The following LETM2 variants were observed in gnomAD, a reference collection of about 807,000 sequenced individuals.
The protein encoded by LETM2 is LETM1 domain-containing protein LETM2, mitochondrial.
In LETM2, 58 loss-of-function variants were observed where a neutral mutation model predicts 59.6. The ratio of observed to expected loss-of-function variants is 0.97; its 90% CI spans 0.79 to 1.21. The LOEUF (loss-of-function observed/expected upper bound fraction) is 1.21. Among genes scored for constraint, LETM2 ranks in the 50% most tolerant of loss-of-function variants. LETM2 has a pLI of 0.00. For synonymous variants in LETM2, 199 were observed against 214.1 expected, an observed-to-expected ratio of 0.93 and a Z score of 0.62; for missense variants, 572 against 575.7, an observed-to-expected ratio of 0.99 and a Z score of 0.07.
At chr8:38,405,777 C>A (rs1490944239) in intron 8 of LETM2, among the ~76,000 whole-genome samples, 2 of 152,162 alleles carry the variant, frequency 1.3e-5, no homozygotes, top group East Asian at 3.8e-4. Context: ...GCAAGGAAAT[C>A]TTGGAGGAGC....
At chr8:38,384,859 TGAATAA>T (rs1041500160), upstream of LETM2, among the ~76,000 whole-genome samples, 1 of 152,258 alleles carries the variant, frequency 6.6e-6, no homozygotes, top group Non-Finnish European at 1.5e-5. Flanking sequence ...ATACAATGCA[TGAATAA>T]GAATATTTCC....
At chr8:38,404,106 A>C (rs563431297) in intron 7 of LETM2, among the ~76,000 whole-genome samples, 1 of 152,282 alleles carries the variant, frequency 6.6e-6, no homozygotes, top group African/African-American at 2.4e-5. Flanking sequence ...CACTTTGTCC[A>C]ACAGAAGATA....
intron 8 of LETM2, 198 bp from the exon 9 acceptor site, chr8:38,406,741 TACTCAAA>T: frequency 2.2e-6 from 1 of 460,662 alleles, no homozygotes; most frequent in Non-Finnish European, 3.9e-6. Flanking sequence ...GTATATAAAG[TACTCAAA>T]ACTCAAAGAG....
chr8:38,399,634 G>A (rs946960924), intron 4 of LETM2, among the ~76,000 whole-genome samples: 8 of 151,936 alleles, frequency 5.3e-5, no homozygotes, highest in Non-Finnish European at 1.2e-4. Context: ...AAAAATCAGC[G>A]GGGTGTGGTG....
intron 7 of LETM2, among the ~76,000 whole-genome samples, chr8:38,404,148 A>T (rs912690893): frequency 6.6e-6 from 1 of 152,156 alleles, no homozygotes; most frequent in Non-Finnish European, 1.5e-5. Flanking sequence ...TTGGGTTGAG[A>T]GTTTAATTGA....
In LETM2 at chr8:38,401,036, A is replaced by G. The variant is rs774468254; in HGVS notation, c.967A>G (p.Ile323Val). 3 of 1,613,530 alleles carry G rather than the reference A, an allele frequency of 1.9e-6. No homozygotes were observed. The highest frequency in any genetic ancestry group is 1.1e-5 in the South Asian group (1 of 91,070). ...RFQLLMKLKS[I>V]KADDEIIAKE... ...TCAGCTCCTGATGAAACTGAAGTCT[A>G]TAAAAGCAGATGATGAAGTAAGAGC... Residue 323 changes from isoleucine to valine, a missense_variant, in exon 6 of 11, where the codon ATA becomes GTA. Ile to Val is a conservative substitution (Grantham distance 29). Coordinates refer to ENST00000379957, the MANE Select transcript of LETM2 (RefSeq NM_001286819.2).
At chr8:38,402,070 T>C (rs1813275178) in intron 6 of LETM2, among the ~76,000 whole-genome samples, 1 of 152,110 alleles carries the variant, frequency 6.6e-6, no homozygotes, top group Admixed American at 6.5e-5. Flanking sequence ...AACTGTGTTA[T>C]TTACTGAGGG....
chr8:38,393,017 G>T, intron 3 of LETM2, 22 bp downstream of exon 3: 1 of 1,537,022 alleles, frequency 6.5e-7, no homozygotes, highest in Non-Finnish European at 8.8e-7. Context: ...TCATATTTGA[G>T]AAAGAAAATG....
intron 7 of LETM2, 54 bp downstream of exon 7, chr8:38,402,698 A>C: frequency 1.9e-6 from 3 of 1,567,490 alleles, no homozygotes; most frequent in African/African-American, 1.4e-5. Flanking sequence ...CTCCTACAAT[A>C]TGCAGACCTC....
At chr8:38,396,222 G>A (rs1273288514) in intron 4 of LETM2, among the ~76,000 whole-genome samples, 1 of 151,230 alleles carries the variant, frequency 6.6e-6, no homozygotes, top group Admixed American at 6.6e-5. Flanking sequence ...GGAGTGCAAT[G>A]GTGCGATCTC....
intron 8 of LETM2, among the ~76,000 whole-genome samples, chr8:38,405,283 G>A (rs888691804): frequency 6.6e-6 from 1 of 151,990 alleles, no homozygotes. Context: ...GGTGTTGTAG[G>A]GAAGAGCATA....
intron 4 of LETM2, chr8:38,396,947 AC>A: frequency 3.0e-6 from 1 of 329,274 alleles, no homozygotes; most frequent in Non-Finnish European, 6.0e-6. Context: ...ACAGAAATCC[AC>A]TGTTACCGCG....
chr8:38,400,401 G>C lies in LETM2; in HGVS notation c.775G>C (p.Val259Leu). 2 of 1,573,352 alleles carry C rather than the reference G, an allele frequency of 1.3e-6. No individual in the cohort carries two copies. Among genetic ancestry groups the C allele is most frequent in the South Asian group, 2.4e-5 (2 of 82,582 alleles). Residue 259 changes from valine (V) to leucine (L), a missense_variant, in exon 5 of 11, where the codon GTG becomes CTG. Coordinates refer to ENST00000379957, the MANE Select transcript of LETM2 (RefSeq NM_001286819.2). ...GDASTQLSSYVKQVQTGHKPS... is the reference protein window; with the variant it reads ...GDASTQLSSYLKQVQTGHKPS... ...TGCCTCTACACAGCTCTCATCCTAC[G>C]TGAAGCAGGTGTCCATCTTTTATGT...
At position 38,402,621 on chromosome 8, in the gene LETM2, C is replaced by A. The variant is rs1813332491; in HGVS notation, c.1081C>A (p.Gln361Lys). 1.2e-6 allele frequency: 2 copies of A among 1,614,148 alleles called. No homozygotes were observed. Among genetic ancestry groups the A allele is most frequent in the Non-Finnish European group, 1.7e-6 (2 of 1,179,994 alleles). The change falls in exon 7 of 11, where the codon CAA becomes AAA. Residue 361 changes from glutamine to lysine, a missense_variant. By Grantham distance (53) the Gln-to-Lys change is moderately conservative. Transcript: ENST00000379957. ...GMRSLGLTEE[Q>K]LRQQLTEWQD... ...GAGATCACTGGGTCTCACGGAGGAA[C>A]AACTGCGACAACAGCTCACGGAGGC...
In LETM2 at chr8:38,392,973, T is replaced by A; in HGVS notation, c.479T>A (p.Leu160Gln). The A allele has an allele frequency of 6.2e-7, 1 of 1,606,904 alleles. No homozygotes were observed. The highest frequency in any genetic ancestry group is 8.5e-7 in the Non-Finnish European group (1 of 1,178,700). Reference protein sequence around the residue: ...MVWRLLHGQVLTRRERRRLLR... With the variant: ...MVWRLLHGQVQTRRERRRLLR... ...TGGAGGCTGTTGCATGGACAGGTCC[T>A]GACCAGACGAGAGAGACGAAGGGTA... Residue 160 changes from leucine (L) to glutamine (Q), a missense_variant, in exon 3 of 11, where the codon CTG becomes CAG. Transcript: ENST00000379957.
upstream of LETM2, among the ~76,000 whole-genome samples, chr8:38,385,397 A>T (rs1297563060): frequency 6.6e-6 from 1 of 152,092 alleles, no homozygotes; most frequent in Non-Finnish European, 1.5e-5. Context: ...CTAAGAAAAA[A>T]AAAATTTTTT....
In LETM2 at chr8:38,407,358, T is replaced by C. The variant is rs1813810985; in HGVS notation, c.1312-4T>C. On this transcript the variant is annotated splice_polypyrimidine_tract_variant and splice_region_variant and intron_variant, in intron 9 of 10. Transcript: ENST00000379957. The stretch of plus-strand genomic sequence containing the variant: ...TAACCCAACTCTCAGTTCTGATGTT[T>C]AAGGATGAAGACTTTATACAGCCGC... 1 of 1,599,670 alleles carries C rather than the reference T, an allele frequency of 6.3e-7. No homozygotes were observed. The highest frequency in any genetic ancestry group is 1.3e-5 in the African/African-American group (1 of 74,604).
At position 38,394,314 on chromosome 8, in the gene LETM2, G is replaced by A. The variant is rs1387571410; in HGVS notation, c.645+73G>A. On this transcript the variant is annotated intron_variant, in intron 4 of 10. Coordinates refer to ENST00000379957, the MANE Select transcript of LETM2 (RefSeq NM_001286819.2). ...GTTTTTAGGTTTACAGAAAACTTGG[G>A]CAGAAAGTACTACTTCTCCCCACCC... 3 of 857,582 alleles carry A rather than the reference G, an allele frequency of 3.5e-6. No individual in the cohort carries two copies. In the African/African-American group the frequency reaches 5.2e-5, roughly 15 times the overall value. 53.1% of individuals were successfully genotyped at this position (857,582 alleles called of 1,614,324 possible).
At chr8:38,403,287 C>A (rs1404250422) in intron 7 of LETM2, among the ~76,000 whole-genome samples, 1 of 152,214 alleles carries the variant, frequency 6.6e-6, no homozygotes, top group Non-Finnish European at 1.5e-5. Flanking sequence ...ACACAGCAGC[C>A]AGAATACTGT....
Sources: gnomAD v4.1 joint callset for allele counts (sites outside exome capture counted in the v4.1 genomes callset) on GRCh38, gnomAD v4.1.1 for gene constraint, MANE v1.5 for transcripts, NCBI Gene and HGNC (gene_info 2026-07-23, HGNC 2026-07-21) for gene names.